Variants in TXLNB observed in about 807,000 individuals in gnomAD.
The protein encoded by TXLNB is taxilin beta.
TXLNB carries 37 observed loss-of-function variants against 57.4 expected under a neutral mutation model. The ratio of observed to expected loss-of-function variants is 0.64; its 90% CI spans 0.50 to 0.85. TXLNB has a LOEUF of 0.85. Ranked by LOEUF, TXLNB falls within the 40% of genes least tolerant of loss-of-function variation. The pLI, the probability that TXLNB is intolerant of heterozygous loss-of-function variation, is 0.00. For missense variants in TXLNB, 848 were observed against 825.6 expected, an observed-to-expected ratio of 1.03 and a Z score of -0.33; for synonymous variants, 302 against 309.6, an observed-to-expected ratio of 0.98 and a Z score of 0.26.
At chr6:139,185,625 C>T in the TXLNB span, among the ~76,000 whole-genome samples, 10 of 152,070 alleles carry the variant, frequency 6.6e-5, no homozygotes, top group South Asian at 2.1e-4. Context: ...GGCGTGAACC[C>T]GGGAGGCGGA....
chr6:139,262,357 C>T (rs974787795), intron 5 of TXLNB, among the ~76,000 whole-genome samples: 1 of 152,162 alleles, frequency 6.6e-6, no homozygotes, highest in Non-Finnish European at 1.5e-5. Context: ...TATTTATTGC[C>T]TTTACTTTGT....
the TXLNB span, among the ~76,000 whole-genome samples, chr6:139,304,108 A>G: frequency 6.6e-6 from 1 of 152,230 alleles, no homozygotes; most frequent in Non-Finnish European, 1.5e-5. Context: ...TTAAACAGCT[A>G]TGATTCCCTA....
At chr6:139,323,136 C>CT in the TXLNB span, among the ~76,000 whole-genome samples, 1 of 152,090 alleles carries the variant, frequency 6.6e-6, no homozygotes, top group African/African-American at 2.4e-5. Flanking sequence ...ATTATCCTTC[C>CT]TTAAATACAT....
chr6:139,213,843 T>A, the TXLNB span, among the ~76,000 whole-genome samples: 38 of 152,198 alleles, frequency 2.5e-4, no homozygotes, highest in African/African-American at 8.9e-4. Context: ...GAGAATACTA[T>A]AAACACCTCT....
the TXLNB span, chr6:139,167,111 C>T: frequency 6.2e-6 from 10 of 1,614,050 alleles, no homozygotes; most frequent in African/African-American, 4.0e-5. Context: ...TTTCCACGTG[C>T]GCATGGAAGA....
chr6:139,196,895 T>C, the TXLNB span, among the ~76,000 whole-genome samples: 1 of 152,176 alleles, frequency 6.6e-6, no homozygotes, highest in South Asian at 2.1e-4. Flanking sequence ...TTAAGGACCT[T>C]TGTGAGTATA....
the TXLNB span, among the ~76,000 whole-genome samples, chr6:139,175,024 A>G: frequency 6.6e-6 from 1 of 152,220 alleles, no homozygotes. Context: ...TCTGTGGGAT[A>G]GTACAGTTAT....
the TXLNB span, among the ~76,000 whole-genome samples, chr6:139,165,244 C>A: frequency 6.6e-6 from 1 of 152,094 alleles, no homozygotes; most frequent in Non-Finnish European, 1.5e-5. Context: ...CCTTTTATTT[C>A]TCATTTTAAA....
chr6:139,256,718 G>A (rs1776353063), intron 6 of TXLNB, among the ~76,000 whole-genome samples: 1 of 152,260 alleles, frequency 6.6e-6, no homozygotes, highest in African/African-American at 2.4e-5. Flanking sequence ...AACTATGTAT[G>A]TCCTTGGTCT....
In TXLNB at chr6:139,242,653, G is replaced by T. The variant is rs1359508751; in HGVS notation, c.1928C>A (p.Ala643Asp). ...ACTGGGCTCGCATGCAGGCACCATG[G>T]CTGCAACGTGCTCTTCTGCTGCGCA... ...PACAAEEHVA[A>D]MVPACEPSRQ... Residue 643 changes from alanine to aspartate, a missense_variant, in exon 10 of 10, where the codon GCC (alanine) becomes GAC (aspartate). Transcript: ENST00000358430. The T allele has an allele frequency of 6.2e-7, 1 of 1,609,666 alleles. No homozygotes were observed. Among genetic ancestry groups the T allele is most frequent in the Non-Finnish European group, 8.5e-7 (1 of 1,178,194 alleles).
the TXLNB span, among the ~76,000 whole-genome samples, chr6:139,315,127 A>G: frequency 1.3e-5 from 2 of 152,124 alleles, no homozygotes; most frequent in East Asian, 1.9e-4. Context: ...GATCTGGCTC[A>G]ACTAGTTCTG....
Position 139,260,426 on chromosome 6 carries a change from T to A in TXLNB, c.894A>T (p.Lys298Asn), listed in dbSNP as rs1334907855. ...QYELREEHLD[K>N]IFKHRELQQK... ...GCTGCAGTTCTCTGTGTTTAAATAT[T>A]TTGTCCAGATGCTAAGAAAAATAAA... Residue 298 changes from lysine (K) to asparagine (N), a missense_variant, in exon 6 of 10, where the codon AAA becomes AAT. Lys to Asn is a moderately conservative substitution (Grantham distance 94). Transcript: ENST00000358430. The A allele has an allele frequency of 1.9e-6, 3 of 1,613,870 alleles. No individual in the cohort carries two copies. Among genetic ancestry groups the A allele is most frequent in the African/African-American group, 1.3e-5 (1 of 74,916 alleles).
At chr6:139,269,239 C>G (rs1184616232) in intron 4 of TXLNB, 1 of 152,200 alleles carries the variant, frequency 6.6e-6, no homozygotes, top group Admixed American at 6.5e-5. Context: ...CCAAGAAGAC[C>G]ACGCTGTATC....
At chr6:139,202,643 T>C in the TXLNB span, among the ~76,000 whole-genome samples, 1 of 152,242 alleles carries the variant, frequency 6.6e-6, no homozygotes, top group African/African-American at 2.4e-5. Flanking sequence ...GTATACAATG[T>C]ATAATCATCA....
In TXLNB at chr6:139,286,009, AT is replaced by A. The variant is rs1271663601; in HGVS notation, c.424+2466del. On this transcript the variant is annotated intron_variant, in intron 2 of 9. Transcript: ENST00000358430. ...TTGTTCCCTTTGGCTTACATTTTCT[AT>A]TTCTTATCTTTCAGTGGCCTTGTCA... Among the ~76,000 whole-genome samples, 10 of 150,286 alleles carry A rather than the reference AT, an allele frequency of 6.7e-5. 1 individual carries two copies. The highest frequency in any genetic ancestry group is 2.2e-4 in the African/African-American group (9 of 40,948).
In TXLNB at chr6:139,288,723, C is replaced by T. The variant is rs903645817; in HGVS notation, c.177G>A (p.Leu59=). The T allele has an allele frequency of 3.7e-6, 6 of 1,614,092 alleles. No homozygotes were observed. The African/African-American group carries it at 5.3e-5, about 14-fold the overall frequency. ...ASVHPDISEE[L]NRQLEDIINT... ...TAATGATGTCTTCCAGCTGTCGATTCAGCTCTTCAGAGATATCGGGGTGCA... is the reference window on the plus strand; with the variant it reads ...TAATGATGTCTTCCAGCTGTCGATTTAGCTCTTCAGAGATATCGGGGTGCA... The change falls in exon 2 of 10, where the codon CTG becomes CTA. Residue 59 remains leucine (L), a synonymous_variant. Transcript: ENST00000358430.
chr6:139,181,125 AC>A, the TXLNB span, among the ~76,000 whole-genome samples: 107,593 of 152,104 alleles, frequency 0.71, 39,310 homozygotes, highest in African/African-American at 0.85. Context: ...GATTAGATAG[AC>A]CCCCAAGGTC....
chr6:139,301,107 A>G, the TXLNB span, among the ~76,000 whole-genome samples: 11 of 152,304 alleles, frequency 7.2e-5, 1 homozygote, highest in African/African-American at 2.6e-4. Context: ...TTCAAACAAA[A>G]TAGATGTGGG....
the TXLNB span, among the ~76,000 whole-genome samples, chr6:139,164,080 ACTCT>A: frequency 2.4e-4 from 35 of 148,166 alleles, no homozygotes; most frequent in East Asian, 1.2e-3. Context: ...ACACACACAC[ACTCT>A]CTCTCTCTCT....
Sources: allele counts gnomAD v4.1 joint callset (sites outside exome capture counted in the v4.1 genomes callset), GRCh38; gene constraint gnomAD v4.1.1; transcripts MANE v1.5; gene names NCBI Gene and HGNC (gene_info 2026-07-23, HGNC 2026-07-21).